Variants in NR2F1-AS1 observed in about 807,000 individuals in gnomAD.
NR2F1-AS1 encodes the protein NR2F1 regulatory antisense RNA 1.
intron 4 of NR2F1-AS1, among the ~76,000 whole-genome samples, chr5:93,524,472 A>T (rs573323804): frequency 6.6e-6 from 1 of 152,320 alleles, no homozygotes; most frequent in East Asian, 1.9e-4. Context: ...ACCTAGCAAG[A>T]CAGGCCAACA....
chr5:93,421,110 CA>C (rs1041283624), intron 4 of NR2F1-AS1, among the ~76,000 whole-genome samples: 2 of 152,120 alleles, frequency 1.3e-5, no homozygotes, highest in African/African-American at 4.8e-5. Flanking sequence ...TGCAATTTTT[CA>C]TTGCAATTCT....
At chr5:93,455,645 T>C (rs1749928783) in intron 4 of NR2F1-AS1, among the ~76,000 whole-genome samples, 1 of 151,994 alleles carries the variant, frequency 6.6e-6, no homozygotes, top group African/African-American at 2.4e-5. Context: ...TAGAAGAAAG[T>C]TGGAGAGTAT....
At chr5:93,515,242 TTATTA>T (rs1196330437) in intron 4 of NR2F1-AS1, among the ~76,000 whole-genome samples, 1 of 151,948 alleles carries the variant, frequency 6.6e-6, no homozygotes, top group Non-Finnish European at 1.5e-5. Flanking sequence ...AAATCATTCT[TTATTA>T]TATCAAAATT....
At chr5:93,552,136 ACT>A (rs1202864191) in intron 4 of NR2F1-AS1, among the ~76,000 whole-genome samples, 2 of 152,220 alleles carry the variant, frequency 1.3e-5, no homozygotes, top group Non-Finnish European at 2.9e-5. Context: ...TAGTCTTTGT[ACT>A]TGCCCTTAAG....
intron 4 of NR2F1-AS1, among the ~76,000 whole-genome samples, chr5:93,437,041 T>C (rs1749447535): frequency 6.6e-6 from 1 of 152,118 alleles, no homozygotes; most frequent in South Asian, 2.1e-4. Context: ...GTTTTTTCAT[T>C]ATAATGTTAG....
intron 4 of NR2F1-AS1, among the ~76,000 whole-genome samples, chr5:93,484,154 T>C (rs1241185769): frequency 6.6e-6 from 1 of 152,104 alleles, no homozygotes; most frequent in Non-Finnish European, 1.5e-5. Context: ...AATTGTCAGA[T>C]TCACCAAGGT....
At chr5:93,550,717 G>C (rs1160998164) in intron 4 of NR2F1-AS1, among the ~76,000 whole-genome samples, 1 of 152,108 alleles carries the variant, frequency 6.6e-6, no homozygotes, top group Admixed American at 6.5e-5. Context: ...ATGTTAGCAA[G>C]TGCATTTCAT....
chr5:93,416,746 C>G (rs1748976225), intron 4 of NR2F1-AS1, among the ~76,000 whole-genome samples: 1 of 152,138 alleles, frequency 6.6e-6, no homozygotes, highest in Non-Finnish European at 1.5e-5. Flanking sequence ...TTGTCTGACT[C>G]CAAAGCTCGT....
upstream of NR2F1-AS1, chr5:93,585,500 C>A (rs1561523835): frequency 6.3e-7 from 1 of 1,592,924 alleles, no homozygotes; most frequent in Admixed American, 1.7e-5. Context: ...AATATTTCTT[C>A]TCTGCTTCTC....
At chr5:93,445,202 GAGCAGAAC>G (rs1749669607) in intron 4 of NR2F1-AS1, among the ~76,000 whole-genome samples, 1 of 152,156 alleles carries the variant, frequency 6.6e-6, no homozygotes, top group African/African-American at 2.4e-5. Context: ...ACTAAGATCA[GAGCAGAAC>G]TGAAGGAGAT....
At chr5:93,490,399 G>A (rs1400031422) in intron 4 of NR2F1-AS1, among the ~76,000 whole-genome samples, 1 of 152,232 alleles carries the variant, frequency 6.6e-6, no homozygotes, top group African/African-American at 2.4e-5. Context: ...AAGAAAGGGA[G>A]GTGGTAATGA....
intron 4 of NR2F1-AS1, among the ~76,000 whole-genome samples, chr5:93,518,662 A>T (rs1178743312): frequency 6.6e-6 from 1 of 152,108 alleles, no homozygotes; most frequent in Non-Finnish European, 1.5e-5. Flanking sequence ...TTCTCATTTA[A>T]TCTTCAACTA....
intron 1 of NR2F1-AS1, among the ~76,000 whole-genome samples, chr5:93,572,069 G>C (rs912798467): frequency 3.3e-5 from 5 of 152,210 alleles, no homozygotes; most frequent in Admixed American, 6.5e-5. Flanking sequence ...CGGGCGGCGG[G>C]ACCCAGCTGC....
chr5:93,510,974 C>G (rs949025221), intron 4 of NR2F1-AS1, among the ~76,000 whole-genome samples: 3 of 152,154 alleles, frequency 2.0e-5, no homozygotes, highest in African/African-American at 7.2e-5. Context: ...CAGTAATTCT[C>G]TTCTACTTGT....
intron 4 of NR2F1-AS1, among the ~76,000 whole-genome samples, chr5:93,436,752 C>T (rs1437231036): frequency 1.3e-5 from 2 of 152,072 alleles, no homozygotes; most frequent in Admixed American, 6.6e-5. Context: ...TGAGGCACCT[C>T]ATTATATAAA....
At chr5:93,474,842 C>T (rs919645836) in intron 4 of NR2F1-AS1, among the ~76,000 whole-genome samples, 9 of 152,112 alleles carry the variant, frequency 5.9e-5, no homozygotes, top group Admixed American at 3.9e-4. Flanking sequence ...GATGATTTCC[C>T]GGCCAGGTGC....
chr5:93,578,436 C>G (rs946944979), intron 1 of NR2F1-AS1, among the ~76,000 whole-genome samples: 11 of 151,902 alleles, frequency 7.2e-5, no homozygotes, highest in African/African-American at 2.4e-4. Flanking sequence ...GTGCACTGAA[C>G]AGGTCTGTGG....
At chr5:93,521,168 G>A (rs1232321720) in intron 4 of NR2F1-AS1, among the ~76,000 whole-genome samples, 5 of 152,184 alleles carry the variant, frequency 3.3e-5, no homozygotes, top group African/African-American at 1.2e-4. Context: ...CTAGCCATAT[G>A]CAGAAGATTG....
chr5:93,521,071 T>C (rs1751491785), intron 4 of NR2F1-AS1, among the ~76,000 whole-genome samples: 1 of 152,114 alleles, frequency 6.6e-6, no homozygotes, highest in African/African-American at 2.4e-5. Flanking sequence ...GCCACACACC[T>C]ATGACCATCT....
Sources: gnomAD v4.1 joint callset for allele counts (sites outside exome capture counted in the v4.1 genomes callset) on GRCh38, gnomAD v4.1.1 for gene constraint, MANE v1.5 for transcripts, NCBI Gene and HGNC (gene_info 2026-07-23, HGNC 2026-07-21) for gene names.